The following REEP1 variants were observed in gnomAD, a reference collection of about 807,000 sequenced individuals.
The protein encoded by REEP1 is receptor accessory protein 1.
A neutral mutation model predicts 40.3 loss-of-function variants in REEP1; 22 were observed. The ratio of observed to expected loss-of-function variants is 0.55; its 90% CI spans 0.39 to 0.78. The LOEUF is 0.78. Ranked by LOEUF, REEP1 falls within the 30% of genes least tolerant of loss-of-function variation. The pLI, the probability that REEP1 is intolerant of heterozygous loss-of-function variation, is 0.00. For synonymous variants in REEP1, 116 were observed against 139.2 expected (o/e 0.83, Z 1.17); for missense variants, 280 against 361.1 (o/e 0.78, Z 1.82).
At chr2:86,267,006 CA>C (rs1677181014) in intron 2 of REEP1, among the ~76,000 whole-genome samples, 1 of 115,724 alleles carries the variant, frequency 8.6e-6, no homozygotes, top group African/African-American at 2.9e-5. Context: ...GACTCTGTCT[CA>C]GGGGAAAAAA....
intron 5 of REEP1, among the ~76,000 whole-genome samples, chr2:86,243,229 T>C (rs1675763737): frequency 6.6e-6 from 1 of 151,774 alleles, no homozygotes; most frequent in African/African-American, 2.4e-5. Flanking sequence ...GAGGCAAACA[T>C]GAGAGGGGAA....
At chr2:86,308,591 G>A (rs1457040724) in intron 1 of REEP1, among the ~76,000 whole-genome samples, 1 of 152,174 alleles carries the variant, frequency 6.6e-6, no homozygotes, top group Non-Finnish European at 1.5e-5. Flanking sequence ...TTTCAGAACC[G>A]CCCTGGGTCT....
chr2:86,222,795 G>A (rs370905375), intron 7 of REEP1, among the ~76,000 whole-genome samples: 11 of 152,312 alleles, frequency 7.2e-5, no homozygotes, highest in African/African-American at 2.6e-4. Flanking sequence ...TCAGGAAGGA[G>A]TATAAATGGA....
chr2:86,222,337 G>A (rs1674474060), intron 7 of REEP1, among the ~76,000 whole-genome samples: 1 of 152,224 alleles, frequency 6.6e-6, no homozygotes, highest in Non-Finnish European at 1.5e-5. Flanking sequence ...CAGCTCAGCA[G>A]AGGCTGGGAG....
chr2:86,336,727 A>G (rs970795347), intron 1 of REEP1: 2 of 152,278 alleles, frequency 1.3e-5, no homozygotes, highest in African/African-American at 4.8e-5. Context: ...CTCACCCTAG[A>G]TGACTCTGCG....
intron 2 of REEP1, chr2:86,280,147 G>A (rs967542241): frequency 9.3e-6 from 4 of 428,898 alleles, no homozygotes; most frequent in South Asian, 3.4e-5. Context: ...CGCATTAGTC[G>A]AAAGGACTGC....
intron 8 of REEP1, among the ~76,000 whole-genome samples, chr2:86,217,666 A>ATTTTTTTTTTTTTTTTTTTTT (rs10668934): frequency 8.9e-6 from 1 of 112,898 alleles, no homozygotes; most frequent in African/African-American, 3.1e-5. Context: ...GGGATTTCAG[A>ATTTTTTTTTTTTTTTTTTTTT]TTTTTTTTTT....
intron 1 of REEP1, among the ~76,000 whole-genome samples, chr2:86,334,531 C>T (rs937654227): frequency 2.6e-5 from 4 of 152,158 alleles, no homozygotes; most frequent in Non-Finnish European, 2.9e-5. Context: ...TCTTCACCAG[C>T]TCATCTTGTG....
intron 1 of REEP1, among the ~76,000 whole-genome samples, chr2:86,299,197 C>A (rs1177991486): frequency 6.6e-6 from 1 of 152,224 alleles, no homozygotes; most frequent in African/African-American, 2.4e-5. Flanking sequence ...GCTCAGTCAT[C>A]ATTCTCTTGG....
intron 1 of REEP1, among the ~76,000 whole-genome samples, chr2:86,284,233 T>C (rs1678259732): frequency 6.6e-6 from 1 of 151,980 alleles, no homozygotes; most frequent in African/African-American, 2.4e-5. Flanking sequence ...CCTGACCTGG[T>C]CACCCCCCCT....
intron 1 of REEP1, among the ~76,000 whole-genome samples, chr2:86,324,189 C>T (rs918851811): frequency 6.6e-6 from 1 of 151,856 alleles, no homozygotes; most frequent in African/African-American, 2.4e-5. Flanking sequence ...TTCTGATTAT[C>T]AATGTAGACT....
chr2:86,319,809 T>C (rs1039105691), intron 1 of REEP1, among the ~76,000 whole-genome samples: 3 of 152,210 alleles, frequency 2.0e-5, no homozygotes, highest in African/African-American at 7.2e-5. Context: ...ATATGACTAG[T>C]GTCCTTATAA....
At chr2:86,287,262 AT>A (rs1206650677) in intron 1 of REEP1, among the ~76,000 whole-genome samples, 1 of 151,962 alleles carries the variant, frequency 6.6e-6, no homozygotes, top group Admixed American at 6.6e-5. Context: ...TAATTTTTGT[AT>A]TTTTAGTAGA....
At chr2:86,237,952 T>C (rs1311713824) in intron 5 of REEP1, among the ~76,000 whole-genome samples, 1 of 151,840 alleles carries the variant, frequency 6.6e-6, no homozygotes, top group East Asian at 1.9e-4. Flanking sequence ...AAGGCCAAGG[T>C]GAGTGGATCA....
intron 5 of REEP1, among the ~76,000 whole-genome samples, chr2:86,250,600 A>G (rs570579848): frequency 6.6e-6 from 1 of 152,230 alleles, no homozygotes; most frequent in East Asian, 1.9e-4. Flanking sequence ...TATTATAGTA[A>G]AGGGGCAGAG....
intron 8 of REEP1, among the ~76,000 whole-genome samples, chr2:86,218,372 A>G (rs1231593394): frequency 6.6e-6 from 1 of 152,168 alleles, no homozygotes; most frequent in Non-Finnish European, 1.5e-5. Flanking sequence ...TTTCCTGGTA[A>G]GTGGCTCAGT....
intron 1 of REEP1, among the ~76,000 whole-genome samples, chr2:86,319,747 A>G (rs943744592): frequency 6.6e-6 from 1 of 152,182 alleles, no homozygotes; most frequent in Admixed American, 6.5e-5. Flanking sequence ...GGGTCTTTGC[A>G]GATATAACCA....
At chr2:86,327,363 G>A (rs1250439352) in intron 1 of REEP1, among the ~76,000 whole-genome samples, 1 of 152,008 alleles carries the variant, frequency 6.6e-6, no homozygotes, top group African/African-American at 2.4e-5. Flanking sequence ...TGCAAAGGGT[G>A]CTGGATGGGA....
chr2:86,243,868 G>A (rs2104152078), intron 5 of REEP1, among the ~76,000 whole-genome samples: 2 of 152,318 alleles, frequency 1.3e-5, no homozygotes, highest in South Asian at 4.1e-4. Context: ...TAGCACAGTG[G>A]CCAGGAAATG....
Sources: gnomAD v4.1 joint callset for allele counts (sites outside exome capture counted in the v4.1 genomes callset) on GRCh38, gnomAD v4.1.1 for gene constraint, MANE v1.5 for transcripts, NCBI Gene and HGNC (gene_info 2026-07-23, HGNC 2026-07-21) for gene names.